The following ST8SIA6 variants were observed in gnomAD, a reference collection of about 807,000 sequenced individuals.
ST8SIA6 encodes ST8 alpha-N-acetyl-neuraminide alpha-2,8-sialyltransferase 6, also known as alpha-2,8-sialyltransferase 8F.
ST8SIA6 carries 39 observed loss-of-function variants against 33.6 expected under a neutral mutation model. The ratio of observed to expected loss-of-function variants is 1.16; its 90% CI spans 0.90 to 1.52. The LOEUF is 1.52. Among genes scored for constraint, ST8SIA6 ranks in the 40% most tolerant of loss-of-function variants. ST8SIA6 has a pLI of 0.00. For missense variants in ST8SIA6, 441 were observed against 443.8 expected (o/e 0.99, Z 0.06); for synonymous variants, 172 against 167.2 (o/e 1.03, Z -0.22).
chr10:17,422,366 T>A (rs10508529), intron 2 of ST8SIA6, among the ~76,000 whole-genome samples: 11,338 of 152,246 alleles, frequency 0.074, 1,205 homozygotes, highest in African/African-American at 0.24. Flanking sequence ...AAGAGTTATT[T>A]TATGGGACAA....
At chr10:17,453,880 C>G (rs1853016883) in intron 1 of ST8SIA6, among the ~76,000 whole-genome samples, 1 of 152,172 alleles carries the variant, frequency 6.6e-6, no homozygotes, top group African/African-American at 2.4e-5. Context: ...GACGGCAGGT[C>G]CCGCTCCACA....
intron 2 of ST8SIA6, among the ~76,000 whole-genome samples, chr10:17,414,282 C>A (rs1265674934): frequency 6.6e-6 from 1 of 152,166 alleles, no homozygotes; most frequent in Non-Finnish European, 1.5e-5. Context: ...ACCTGGCAGT[C>A]CTACTATGTT....
chr10:17,356,381 G>A (rs1360004065), intron 4 of ST8SIA6, among the ~76,000 whole-genome samples: 2 of 150,120 alleles, frequency 1.3e-5, no homozygotes, highest in Admixed American at 1.3e-4. Context: ...TATAGCCCCA[G>A]AGGTTTACTT....
At chr10:17,429,873 C>G (rs1263713101) in intron 2 of ST8SIA6, among the ~76,000 whole-genome samples, 3 of 152,154 alleles carry the variant, frequency 2.0e-5, no homozygotes, top group South Asian at 4.1e-4. Flanking sequence ...CATCTCTTCT[C>G]TTCCAAATAT....
At chr10:17,399,917 C>CAAA (rs61580333) in intron 2 of ST8SIA6, among the ~76,000 whole-genome samples, 1 of 111,078 alleles carries the variant, frequency 9.0e-6, no homozygotes, top group Admixed American at 9.0e-5. Context: ...GATTCTGTCT[C>CAAA]AAAAAAAAAA....
At chr10:17,356,984 T>C (rs547964020) in intron 4 of ST8SIA6, among the ~76,000 whole-genome samples, 4 of 152,316 alleles carry the variant, frequency 2.6e-5, no homozygotes, top group African/African-American at 7.2e-5. Flanking sequence ...TGGATACTTA[T>C]AGAGATGATT....
chr10:17,438,554 C>T (rs1461528615), intron 2 of ST8SIA6, among the ~76,000 whole-genome samples: 1 of 152,146 alleles, frequency 6.6e-6, no homozygotes, highest in Non-Finnish European at 1.5e-5. Context: ...GGCTCCAAAA[C>T]ACATTCAGGA....
At chr10:17,396,318 T>C (rs1850804125) in intron 2 of ST8SIA6, among the ~76,000 whole-genome samples, 1 of 152,186 alleles carries the variant, frequency 6.6e-6, no homozygotes, top group Non-Finnish European at 1.5e-5. Flanking sequence ...AAAAAAATCA[T>C]GCGGGTGGTT....
chr10:17,324,848 T>G (rs958947126), intron 6 of ST8SIA6, among the ~76,000 whole-genome samples: 10 of 146,544 alleles, frequency 6.8e-5, no homozygotes, highest in Non-Finnish European at 1.3e-4. Context: ...ATATGTAATA[T>G]TAGTATATTA....
chr10:17,404,520 C>G (rs551725474), intron 2 of ST8SIA6, among the ~76,000 whole-genome samples: 1 of 152,284 alleles, frequency 6.6e-6, no homozygotes, highest in African/African-American at 2.4e-5. Context: ...CTCATCTTAG[C>G]AAAGATGTTA....
chr10:17,373,865 A>G (rs1849808020), intron 3 of ST8SIA6, among the ~76,000 whole-genome samples: 1 of 152,174 alleles, frequency 6.6e-6, no homozygotes, highest in Non-Finnish European at 1.5e-5. Context: ...TGAATGCGTA[A>G]TCAACATTGT....
chr10:17,435,912 G>C (rs908955979), intron 2 of ST8SIA6, among the ~76,000 whole-genome samples: 2 of 152,176 alleles, frequency 1.3e-5, no homozygotes, highest in Non-Finnish European at 2.9e-5. Context: ...TTGATTATGT[G>C]AATTGGGTGA....
chr10:17,405,951 A>C (rs1851242421), intron 2 of ST8SIA6, among the ~76,000 whole-genome samples: 1 of 152,114 alleles, frequency 6.6e-6, no homozygotes, highest in African/African-American at 2.4e-5. Flanking sequence ...TCAGGTGCAA[A>C]ATGAGAATAA....
chr10:17,328,378 G>A (rs551923371), intron 5 of ST8SIA6, among the ~76,000 whole-genome samples: 2 of 152,212 alleles, frequency 1.3e-5, no homozygotes, highest in Admixed American at 6.5e-5. Context: ...TTAGGACCTG[G>A]CCTGCTTACC....
chr10:17,431,278 T>G (rs1471812367), intron 2 of ST8SIA6, among the ~76,000 whole-genome samples: 1 of 151,452 alleles, frequency 6.6e-6, no homozygotes, highest in Non-Finnish European at 1.5e-5. Flanking sequence ...AGATGGAGGG[T>G]AAGGGAAAGA....
intron 2 of ST8SIA6, among the ~76,000 whole-genome samples, chr10:17,443,404 T>G (rs1852574936): frequency 6.6e-6 from 1 of 152,212 alleles, no homozygotes; most frequent in Admixed American, 6.5e-5. Flanking sequence ...TTTGCAAAAT[T>G]AATGGTCTCT....
At chr10:17,385,174 A>T (rs1850288645) in intron 3 of ST8SIA6, among the ~76,000 whole-genome samples, 2 of 152,172 alleles carry the variant, frequency 1.3e-5, no homozygotes, top group East Asian at 3.8e-4. Flanking sequence ...ATTCCAAGTT[A>T]TCCCTCCCCT....
chr10:17,327,133 G>A lies in ST8SIA6; in HGVS notation c.523-7C>T, dbSNP rs376741217. On this transcript the variant is annotated splice_region_variant and splice_polypyrimidine_tract_variant and intron_variant, in intron 5 of 7. Transcript: ENST00000377602. Reference sequence around the variant, plus strand: ...AGTCCACAAAAGGCTGGGACTAGCAGGAGAAAGTGGAAAACTACCATGAAA... The same window carrying A: ...AGTCCACAAAAGGCTGGGACTAGCAAGAGAAAGTGGAAAACTACCATGAAA... 4.4e-6 allele frequency: 7 copies of A among 1,584,452 alleles called. No individual in the cohort carries two copies. In the African/African-American group the frequency reaches 6.8e-5, roughly 15 times the overall value.
rs546301311 is a variant in ST8SIA6 at position 17,359,384 on chromosome 10, G to T, written c.377+130C>A. The T allele has an allele frequency of 1.2e-4, 72 of 611,174 alleles. 1 individual carries two copies. In the South Asian group the frequency reaches 1.6e-3, roughly 13 times the overall value. The allele number at this position is 611,174 out of a possible 1,614,324, so 37.9% of individuals were successfully genotyped here. A position where few individuals can be genotyped will look rare whatever the true frequency, so the allele number is the denominator to read the frequency against. ...CCCTGTGCCTCATGAGAGGGTCTTAGAATTCAGTTGGCCTCATTGCCAGCT... is the reference window on the plus strand; with the variant it reads ...CCCTGTGCCTCATGAGAGGGTCTTATAATTCAGTTGGCCTCATTGCCAGCT... On this transcript the variant is annotated intron_variant, in intron 4 of 7. Coordinates refer to ENST00000377602, the MANE Select transcript of ST8SIA6 (RefSeq NM_001004470.3).
Sources: allele counts gnomAD v4.1 joint callset (sites outside exome capture counted in the v4.1 genomes callset), GRCh38; gene constraint gnomAD v4.1.1; transcripts MANE v1.5; gene names NCBI Gene and HGNC (gene_info 2026-07-23, HGNC 2026-07-21).